ZSCAN2: variants seen among roughly 807,000 people sequenced by gnomAD.
ZSCAN2 encodes zinc finger and SCAN domain-containing protein 2.
A neutral mutation model predicts 47.8 loss-of-function variants in ZSCAN2; 26 were observed. The ratio of observed to expected loss-of-function variants is 0.54; its 90% CI spans 0.40 to 0.75. ZSCAN2 has a LOEUF of 0.75. Ranked by LOEUF, ZSCAN2 falls within the 30% of genes least tolerant of loss-of-function variation. The pLI is 0.00. For missense variants in ZSCAN2, 732 were observed against 785.4 expected (o/e 0.93, Z 0.81); for synonymous variants, 305 against 288.7 (o/e 1.06, Z -0.57).
At chr15:84,620,149 T>G (rs1178851697) in intron 2 of ZSCAN2, among the ~76,000 whole-genome samples, 21 of 152,168 alleles carry the variant, frequency 1.4e-4, no homozygotes, top group African/African-American at 2.4e-5. Flanking sequence ...TGTGCTCATG[T>G]GTTCTCTTCA....
At chr15:84,614,744 G>A (rs984857482) in intron 2 of ZSCAN2, 2 of 144,334 alleles carry the variant, frequency 1.4e-5, no homozygotes, top group African/African-American at 2.6e-5. Context: ...CTCAGCCTCC[G>A]GAGTAGTTGG....
chr15:84,615,403 T>C (rs1895668545), intron 2 of ZSCAN2, among the ~76,000 whole-genome samples: 1 of 152,228 alleles, frequency 6.6e-6, no homozygotes, highest in Non-Finnish European at 1.5e-5. Context: ...CAAATATGGC[T>C]CACTGCAGCC....
chr15:84,602,819 C>CCT (rs1012677960), intron 1 of ZSCAN2, among the ~76,000 whole-genome samples: 8 of 151,944 alleles, frequency 5.3e-5, no homozygotes, highest in African/African-American at 1.9e-4. Context: ...GAACTCCTGA[C>CCT]CTCAAGTGAT....
chr15:84,610,552 C>T (rs1327930866), intron 2 of ZSCAN2, among the ~76,000 whole-genome samples: 1 of 149,140 alleles, frequency 6.7e-6, no homozygotes, highest in African/African-American at 2.5e-5. Context: ...GCAGTGGCGC[C>T]ATCTCGGCAC....
intron 1 of ZSCAN2, among the ~76,000 whole-genome samples, chr15:84,602,551 T>C (rs951729324): frequency 8.6e-5 from 13 of 151,740 alleles, no homozygotes; most frequent in Non-Finnish European, 1.5e-4. Context: ...GCCATTATTA[T>C]AGCACAGTTT....
intron 2 of ZSCAN2, among the ~76,000 whole-genome samples, chr15:84,604,746 T>C (rs1321006671): frequency 6.7e-6 from 1 of 149,234 alleles, no homozygotes; most frequent in Non-Finnish European, 1.5e-5. Flanking sequence ...TTCTTTTTTT[T>C]TTTTTTTTTG....
intron 2 of ZSCAN2, among the ~76,000 whole-genome samples, chr15:84,615,934 C>T (rs1251376976): frequency 6.6e-6 from 1 of 152,118 alleles, no homozygotes; most frequent in African/African-American, 2.4e-5. Flanking sequence ...GAAATGATCA[C>T]TTTTCTCAGT....
chr15:84,618,753 G>A (rs1430151262), intron 2 of ZSCAN2, among the ~76,000 whole-genome samples: 2 of 151,798 alleles, frequency 1.3e-5, no homozygotes, highest in South Asian at 2.1e-4. Context: ...TATTAGAGAC[G>A]GGGTTTCACC....
At chr15:84,606,463 C>A in intron 2 of ZSCAN2, 1 of 1,321,094 alleles carries the variant, frequency 7.6e-7, no homozygotes, top group Non-Finnish European at 1.1e-6. Flanking sequence ...TTTCTTTGGC[C>A]CTGAAAAAAT....
chr15:84,611,471 A>G (rs1227806642), intron 2 of ZSCAN2, among the ~76,000 whole-genome samples: 6 of 151,406 alleles, frequency 4.0e-5, no homozygotes, highest in African/African-American at 1.2e-4. Context: ...ACAACAGGCC[A>G]GTCGTGGTGG....
intron 2 of ZSCAN2, among the ~76,000 whole-genome samples, chr15:84,610,484 CTTTCTTTTTTTTTT>C (rs1895513095): frequency 8.1e-6 from 1 of 123,940 alleles, no homozygotes; most frequent in South Asian, 2.5e-4. Context: ...TTCTTTCTTT[CTTTCTTTTTTTTTT>C]TTTTTTTTGA....
At chr15:84,609,273 C>CA (rs919457828) in intron 2 of ZSCAN2, among the ~76,000 whole-genome samples, 12 of 150,660 alleles carry the variant, frequency 8.0e-5, no homozygotes, top group Admixed American at 6.6e-5. Flanking sequence ...ACATATATAT[C>CA]TATGATATAT....
At chr15:84,618,860 G>A (rs983328595) in intron 2 of ZSCAN2, among the ~76,000 whole-genome samples, 4 of 151,980 alleles carry the variant, frequency 2.6e-5, no homozygotes, top group African/African-American at 4.8e-5. Context: ...CACCATGCCC[G>A]GTGTCAGTCA....
At chr15:84,603,065 A>G (rs906852436) in intron 1 of ZSCAN2, among the ~76,000 whole-genome samples, 4 of 152,156 alleles carry the variant, frequency 2.6e-5, no homozygotes, top group African/African-American at 9.7e-5. Context: ...GTATGGTAAT[A>G]ATGCAGTTGA....
At chr15:84,604,738 C>CTT (rs11459006) in intron 2 of ZSCAN2, among the ~76,000 whole-genome samples, 2,911 of 128,982 alleles carry the variant, frequency 0.023, 86 homozygotes, top group African/African-American at 0.051. Flanking sequence ...TTTCTTTTTT[C>CTT]TTTTTTTTTT....
Position 84,620,596 on chromosome 15 carries a change from T to C in ZSCAN2, c.407-6T>C. 1 of 1,591,078 alleles carries C rather than the reference T, an allele frequency of 6.3e-7. No homozygotes were observed. The highest frequency in any genetic ancestry group is 8.6e-7 in the Non-Finnish European group (1 of 1,162,250). On this transcript the variant is annotated splice_polypyrimidine_tract_variant and splice_region_variant and intron_variant, in intron 2 of 2. Transcript: ENST00000546148. Reference sequence around the variant, plus strand: ...AGACATTGTATGTTTTTCTTCATTGTTTCAGATTTTGAGATACAGAGTGAA... The same window carrying C: ...AGACATTGTATGTTTTTCTTCATTGCTTCAGATTTTGAGATACAGAGTGAA...
chr15:84,621,319 C>G lies in ZSCAN2; in HGVS notation c.1124C>G (p.Ser375Cys). 1 of 1,613,952 alleles carries G rather than the reference C, an allele frequency of 6.2e-7. No homozygotes were observed. Among genetic ancestry groups the G allele is most frequent in the Non-Finnish European group, 8.5e-7 (1 of 1,179,996 alleles). ...KECGESFSYN[S>C]NLIRHQRIHT... is the part of the protein sequence containing the mutation. ...TGCGGCGAAAGCTTTAGTTACAACT[C>G]CAATCTAATCAGACACCAGAGAATC... Residue 375 changes from serine to cysteine, a missense_variant, in exon 3 of 3, where the codon TCC (serine) becomes TGC (cysteine). Physicochemically the swap from Ser to Cys is moderately radical, Grantham distance 112. This residue lies in a region of ZSCAN2 where 412 missense variants were observed against 498.0 expected (regional missense o/e 0.83). Transcript: ENST00000546148. The surrounding 1 kb of genome is among the most constrained non-coding windows in gnomAD (Gnocchi z 5.7).
chr15:84,604,741 T>TG (rs1470967991), intron 2 of ZSCAN2, among the ~76,000 whole-genome samples: 3 of 145,412 alleles, frequency 2.1e-5, no homozygotes, highest in Admixed American at 6.8e-5. Flanking sequence ...CTTTTTTCTT[T>TG]TTTTTTTTTT....
Position 84,603,876 on chromosome 15 carries a change from A to G in ZSCAN2, c.-52A>G. 6.4e-7 allele frequency: 1 copy of G among 1,561,788 alleles called. No homozygotes were observed. The highest frequency in any genetic ancestry group is 8.7e-7 in the Non-Finnish European group (1 of 1,151,914). On this transcript the variant is annotated 5_prime_UTR_variant, in exon 2 of 3. Coordinates refer to ENST00000546148, the MANE Select transcript of ZSCAN2 (RefSeq NM_181877.4). ...GTGTCTTACCTGAGAGCCTGGCTGG[A>G]GAAGACTGAGGTCCAAGGCTTGAAG...
Sources: allele counts gnomAD v4.1 joint callset (sites outside exome capture counted in the v4.1 genomes callset), GRCh38; gene constraint gnomAD v4.1.1; regional missense constraint gnomAD v4.1.1; non-coding constraint Gnocchi (gnomAD v3.1); transcripts MANE v1.5; gene names NCBI Gene and HGNC (gene_info 2026-07-23, HGNC 2026-07-21).